The following RAVER1 variants were observed in gnomAD, a reference collection of about 807,000 sequenced individuals.
The protein encoded by RAVER1 is ribonucleoprotein, PTB binding 1, also known as ribonucleoprotein PTB-binding 1.
In RAVER1, 36 loss-of-function variants were observed where a neutral mutation model predicts 68.4. That is an observed-to-expected ratio of 0.53 (90% CI 0.40 to 0.70). RAVER1 has a LOEUF of 0.70. Among genes scored for constraint, RAVER1 ranks in the 30% least tolerant of loss-of-function variants. The pLI, the probability that RAVER1 is intolerant of heterozygous loss-of-function variation, is 0.00. For synonymous variants in RAVER1, 469 were observed against 472.7 expected (o/e 0.99, Z 0.10); for missense variants, 933 against 1,019.8 (o/e 0.91, Z 1.16).
At chr19:10,320,539 T>C in intron 9 of RAVER1, 116 bp downstream of exon 9, 1 of 787,506 alleles carries the variant, frequency 1.3e-6, no homozygotes, top group Non-Finnish European at 1.9e-6. Flanking sequence ...AGACCATATC[T>C]GGCACGTTCC....
chr19:10,318,354 C>T lies in RAVER1; in HGVS notation c.1864G>A (p.Gly622Ser). The T allele has an allele frequency of 6.2e-7, 1 of 1,602,652 alleles. No individual in the cohort carries two copies. The highest frequency in any genetic ancestry group is 8.5e-7 in the Non-Finnish European group (1 of 1,175,948). ...CCACCGCTGCTCCGTTCGCCGAAGC[C>T]ACTGGGCGGGGGGGACATCTGTAGA... ...SRHKMSPPPS[G>S]FGERSSGGSG... The change falls in exon 11 of 13, where the codon GGC becomes AGC. Residue 622 changes from glycine (G) to serine (S), a missense_variant. Physicochemically the swap from Gly to Ser is moderately conservative, Grantham distance 56. Transcript: ENST00000617231.
intron 2 of RAVER1, among the ~76,000 whole-genome samples, chr19:10,330,210 G>A (rs974121797): frequency 3.9e-5 from 6 of 152,068 alleles, no homozygotes; most frequent in Non-Finnish European, 7.4e-5. Flanking sequence ...ACGGCCAAAC[G>A]TTGTCAAGAA....
At position 10,317,383 on chromosome 19, in the gene RAVER1, A is replaced by G. The variant is rs925622090; in HGVS notation, c.*71T>C. 9.4e-5 allele frequency: 142 copies of G among 1,512,882 alleles called. No individual in the cohort carries two copies. The highest frequency in any genetic ancestry group is 1.3e-4 in the Non-Finnish European group (137 of 1,095,176). The allele number at this position is 1,512,882 out of a possible 1,614,324, so 93.7% of individuals were successfully genotyped here. On this transcript the variant is annotated 3_prime_UTR_variant, in exon 13 of 13. Transcript: ENST00000617231. The surrounding 1 kb of genome is among the most constrained non-coding windows in gnomAD (Gnocchi z 4.3). ...AGAGAGAAAATGGTTTAAAAAAAACACAAAACAAAACATCAGAAAACCCAA... is the reference window on the plus strand; with the variant it reads ...AGAGAGAAAATGGTTTAAAAAAAACGCAAAACAAAACATCAGAAAACCCAA...
rs1183174957 is a variant in RAVER1 at position 10,333,374 on chromosome 19, C to T, written c.134G>A (p.Arg45Gln). The change falls in exon 1 of 13, where the codon CGG (arginine) becomes CAG (glutamine). Residue 45 changes from arginine to glutamine, a missense_variant. Coordinates refer to ENST00000617231, the MANE Select transcript of RAVER1 (RefSeq NM_133452.3). The surrounding 1 kb of genome is among the most constrained non-coding windows in gnomAD (Gnocchi z 4.2). Reference protein sequence around the residue: ...ELPPLDPEEIRKRLEHTERQF... With the variant: ...ELPPLDPEEIQKRLEHTERQF... ...GCGCTCGGTGTGTTCCAGGCGTTTC[C>T]GGATCTCTTCTGGATCTAGAGGCGG... is the stretch of plus-strand genomic sequence containing the variant. The T allele has an allele frequency of 6.2e-7, 1 of 1,613,816 alleles. No homozygotes were observed. Among genetic ancestry groups the T allele is most frequent in the Non-Finnish European group, 8.5e-7 (1 of 1,179,816 alleles).
chr19:10,323,047 C>G lies in RAVER1; in HGVS notation c.1078+98G>C. The G allele has an allele frequency of 9.4e-7, 1 of 1,058,780 alleles. No individual in the cohort carries two copies. Among genetic ancestry groups the G allele is most frequent in the Non-Finnish European group, 1.3e-6 (1 of 744,474 alleles). The allele number at this position is 1,058,780 out of a possible 1,614,324, so 65.6% of individuals were successfully genotyped here. ...CCCCTCGGCCCTACTCCTGGGGCTC[C>G]TGTCACTGCAGCCAAGATGAGCAGT... On this transcript the variant is annotated intron_variant, in intron 5 of 12. Coordinates refer to ENST00000617231, the MANE Select transcript of RAVER1 (RefSeq NM_133452.3). The surrounding 1 kb of genome is among the most constrained non-coding windows in gnomAD (Gnocchi z 6.2).
At chr19:10,330,925 G>A (rs181752422) in intron 1 of RAVER1, among the ~76,000 whole-genome samples, 34 of 152,028 alleles carry the variant, frequency 2.2e-4, no homozygotes, top group Admixed American at 1.1e-3. Context: ...TTAGCCAGGA[G>A]TGGTGGCGCA....
At chr19:10,321,018 T>TTTTTTA in intron 8 of RAVER1, 30 bp downstream of exon 8, 1 of 1,468,576 alleles carries the variant, frequency 6.8e-7, no homozygotes, top group Non-Finnish European at 9.0e-7. Flanking sequence ...AGGAGGCTGG[T>TTTTTTA]GTGGTGCCGC....
intron 1 of RAVER1, among the ~76,000 whole-genome samples, chr19:10,331,095 A>C (rs2040512534): frequency 6.7e-6 from 1 of 149,684 alleles, no homozygotes; most frequent in Admixed American, 6.7e-5. Flanking sequence ...CACGCCTGTA[A>C]TCCCAGCACT....
rs1284880295 is a variant in RAVER1, at chr19:10,320,784, T to C, written c.1641A>G (p.Pro547=). The C allele has an allele frequency of 3.8e-6, 4 of 1,055,652 alleles. No homozygotes were observed. The highest frequency in any genetic ancestry group is 3.2e-5 in the African/African-American group (1 of 31,416). The allele number at this position is 1,055,652 out of a possible 1,614,324, so 65.4% of individuals were successfully genotyped here. Residue 547 remains proline, a synonymous_variant, in exon 9 of 13, where the codon CCA becomes CCG. Coordinates refer to ENST00000617231, the MANE Select transcript of RAVER1 (RefSeq NM_133452.3). ...TGCTGCTGCTGCCACCTCCAGGGGC[T>C]GGGGGGTTAGTTGGGGGGCCCTCAG... ...RPAEGPPTNP[P]APGGGSSSSK...
At chr19:10,331,038 G>C (rs964275914) in intron 1 of RAVER1, among the ~76,000 whole-genome samples, 8 of 149,490 alleles carry the variant, frequency 5.4e-5, no homozygotes, top group Non-Finnish European at 3.0e-5. Context: ...GGGTGACAAA[G>C]GGAGACACTG....
At chr19:10,318,948 A>T (rs1486730579) in intron 10 of RAVER1, among the ~76,000 whole-genome samples, 1 of 152,130 alleles carries the variant, frequency 6.6e-6, no homozygotes, top group Non-Finnish European at 1.5e-5. Flanking sequence ...GGGAGGCCAA[A>T]GTGGGAGGAT....
Position 10,323,563 on chromosome 19 carries a change from C to A in RAVER1, c.760G>T (p.Ala254Ser). 2 of 1,580,472 alleles carry A rather than the reference C, an allele frequency of 1.3e-6. No individual in the cohort carries two copies. The highest frequency in any genetic ancestry group is 1.7e-6 in the Non-Finnish European group (2 of 1,164,526). ...AVHSPTFCQL[A>S]CGQDGQLKGF... ...TTCAGCTGCCCATCCTGGCCGCACG[C>A]CAGCTGCCGGAGGAAGGCAGGCAGT... Residue 254 changes from alanine (A) to serine (S), a missense_variant, in exon 4 of 13, where the codon GCG (alanine) becomes TCG (serine). Coordinates refer to ENST00000617231, the MANE Select transcript of RAVER1 (RefSeq NM_133452.3). The surrounding 1 kb of genome is among the most constrained non-coding windows in gnomAD (Gnocchi z 6.2).
chr19:10,328,561 AG>A lies in RAVER1; in HGVS notation c.756+80del, dbSNP rs1178030673. 3.1e-6 allele frequency: 3 copies of A among 959,236 alleles called. No individual in the cohort carries two copies. Among genetic ancestry groups the A allele is most frequent in the Non-Finnish European group, 4.6e-6 (3 of 657,022 alleles). 59.4% of individuals were successfully genotyped at this position (959,236 alleles called of 1,614,324 possible). A position where few individuals can be genotyped will look rare whatever the true frequency, so the allele number is the denominator to read the frequency against. On this transcript the variant is annotated intron_variant, in intron 3 of 12. Transcript: ENST00000617231. The surrounding 1 kb of genome is among the most constrained non-coding windows in gnomAD (Gnocchi z 4.4). ...AGTGAGACTGTCTCAAAAAAAAAAA[AG>A]AAAAGGCAGATGACTCCAAAGACTC... is the stretch of plus-strand genomic sequence containing the variant.
rs771045511 is a variant in RAVER1, at chr19:10,323,257, C to T, written c.966G>A (p.Lys322=). Residue 322 remains lysine, a synonymous_variant, in exon 5 of 13, where the codon AAG becomes AAA. Coordinates refer to ENST00000617231, the MANE Select transcript of RAVER1 (RefSeq NM_133452.3). The surrounding 1 kb of genome is among the most constrained non-coding windows in gnomAD (Gnocchi z 6.2). ...AAQATALNRG[K]GLLPEPNILQ... ...GGATGTTGGGCTCGGGGAGGAGTCC[C>T]TTCCCCCGATTGAGGGCCTGCAGGA... The T allele has an allele frequency of 1.1e-5, 17 of 1,613,492 alleles. No individual in the cohort carries two copies. In the South Asian group the frequency reaches 1.1e-4, roughly 10 times the overall value.
rs1436054691 is a variant in RAVER1, at chr19:10,323,215, G to C, written c.1008C>G (p.Asn336Lys). 1 of 1,613,162 alleles carries C rather than the reference G, an allele frequency of 6.2e-7. No individual in the cohort carries two copies. The highest frequency in any genetic ancestry group is 8.5e-7 in the Non-Finnish European group (1 of 1,179,530). Residue 336 changes from asparagine (N) to lysine (K), a missense_variant, in exon 5 of 13, where the codon AAC becomes AAG. Asn to Lys is a moderately conservative substitution (Grantham distance 94, BLOSUM62 0). Coordinates refer to ENST00000617231, the MANE Select transcript of RAVER1 (RefSeq NM_133452.3). The surrounding 1 kb of genome is among the most constrained non-coding windows in gnomAD (Gnocchi z 6.2). Reference sequence around the variant, plus strand: ...GCTGGAGGGACGCGGATGGGCCCAGGTTGTTGAGCAGCTGCAGGATGTTGG... The same window carrying C: ...GCTGGAGGGACGCGGATGGGCCCAGCTTGTTGAGCAGCTGCAGGATGTTGG... ...PEPNILQLLNNLGPSASLQLL... is the reference protein window; with the variant it reads ...PEPNILQLLNKLGPSASLQLL...
chr19:10,322,639 T>A lies in RAVER1; in HGVS notation c.1173+6A>T. ...GAGCAGTGGGTGAGGGGGATGCGTG[T>A]GTTACCTTCTGGCCCTGGGTCTGCA... On this transcript the variant is annotated splice_donor_region_variant and intron_variant, in intron 6 of 12. Transcript: ENST00000617231. The surrounding 1 kb of genome is among the most constrained non-coding windows in gnomAD (Gnocchi z 4.3). 6.5e-7 allele frequency: 1 copy of A among 1,533,574 alleles called. No individual in the cohort carries two copies. The highest frequency in any genetic ancestry group is 8.7e-7 in the Non-Finnish European group (1 of 1,145,630). 95.0% of individuals were successfully genotyped at this position (1,533,574 alleles called of 1,614,324 possible). A position where few individuals can be genotyped will look rare whatever the true frequency, so the allele number is the denominator to read the frequency against.
intron 1 of RAVER1, among the ~76,000 whole-genome samples, chr19:10,331,986 C>T (rs1405331871): frequency 6.6e-6 from 1 of 152,028 alleles, no homozygotes; most frequent in African/African-American, 2.4e-5. Flanking sequence ...CTCTTCCAAG[C>T]CAGCTCATTT....
Position 10,329,221 on chromosome 19 carries a change from G to A in RAVER1, c.287-110C>T, listed in dbSNP as rs138981345. 1.8e-4 allele frequency: 128 copies of A among 706,392 alleles called. No individual in the cohort carries two copies. The African/African-American group carries it at 2.2e-3, about 12-fold the overall frequency. 43.8% of individuals were successfully genotyped at this position (706,392 alleles called of 1,614,324 possible). A position where few individuals can be genotyped will look rare whatever the true frequency, so the allele number is the denominator to read the frequency against. ...CCTCCAAATGCTGGGCATCTCAGGT[G>A]CCTGCTGATCTGAGCAGTTGCCAGC... On this transcript the variant is annotated intron_variant, in intron 2 of 12. Coordinates refer to ENST00000617231, the MANE Select transcript of RAVER1 (RefSeq NM_133452.3). The surrounding 1 kb of genome is among the most constrained non-coding windows in gnomAD (Gnocchi z 4.6).
chr19:10,322,614 G>A lies in RAVER1; in HGVS notation c.1173+31C>T. ...TTGAAAAGAGCCTGTAGGGGCTGTA[G>A]AGCAGTGGGTGAGGGGGATGCGTGT... On this transcript the variant is annotated intron_variant, in intron 6 of 12. Coordinates refer to ENST00000617231, the MANE Select transcript of RAVER1 (RefSeq NM_133452.3). This position sits in a 1 kb window ranked among gnomAD's most constrained non-coding sequence, Gnocchi z 4.3. 7.0e-7 allele frequency: 1 copy of A among 1,425,906 alleles called. No homozygotes were observed. 88.3% of individuals were successfully genotyped at this position (1,425,906 alleles called of 1,614,324 possible). A position where few individuals can be genotyped will look rare whatever the true frequency, so the allele number is the denominator to read the frequency against.
Sources: allele counts gnomAD v4.1 joint callset (sites outside exome capture counted in the v4.1 genomes callset), GRCh38; gene constraint gnomAD v4.1.1; non-coding constraint Gnocchi (gnomAD v3.1); transcripts MANE v1.5; gene names NCBI Gene and HGNC (gene_info 2026-07-23, HGNC 2026-07-21).